CLUL1: variants seen among roughly 807,000 people sequenced by gnomAD.
CLUL1 encodes clusterin-like protein 1.
Under a neutral mutation model 49.4 loss-of-function variants are expected in CLUL1, and 43 were observed. The observed-to-expected ratio is 0.87, with a 90% confidence interval of 0.68 to 1.12. The LOEUF (loss-of-function observed/expected upper bound fraction) is 1.12, where lower values mean the gene tolerates loss of function less well. CLUL1 is among the 50% of genes most tolerant of loss of function. CLUL1 has a pLI of 0.00. For missense variants in CLUL1, 486 were observed against 544.4 expected, an observed-to-expected ratio of 0.89 and a Z score of 1.07; for synonymous variants, 192 against 184.9, an observed-to-expected ratio of 1.04 and a Z score of -0.31.
At chr18:626,860 C>CAAAGAAAG (rs2073732241) in intron 5 of CLUL1, among the ~76,000 whole-genome samples, 1 of 100,720 alleles carries the variant, frequency 9.9e-6, no homozygotes, top group Non-Finnish European at 2.1e-5. Flanking sequence ...GACTCCATCT[C>CAAAGAAAG]AAATAAGAAA....
intron 2 of CLUL1, among the ~76,000 whole-genome samples, chr18:613,755 A>G (rs2073212687): frequency 1.3e-5 from 2 of 152,176 alleles, no homozygotes; most frequent in African/African-American, 4.8e-5. Context: ...TGCCTGGCCT[A>G]GTCTGAATTT....
chr18:610,993 A>G (rs991626862), intron 2 of CLUL1, among the ~76,000 whole-genome samples: 4 of 152,070 alleles, frequency 2.6e-5, no homozygotes, highest in Admixed American at 2.6e-4. Context: ...TGGAATTCTG[A>G]GGCTCCTGTC....
At chr18:628,610 CCTT>C (rs1238465610) in intron 6 of CLUL1, among the ~76,000 whole-genome samples, 1 of 151,756 alleles carries the variant, frequency 6.6e-6, no homozygotes, top group African/African-American at 2.4e-5. Context: ...AAAATGGGCT[CCTT>C]CTATCTATTT....
chr18:597,676 C>T (rs1010269200), intron 1 of CLUL1: 2 of 152,294 alleles, frequency 1.3e-5, no homozygotes, highest in Admixed American at 6.5e-5. Flanking sequence ...CCACTGCACT[C>T]CAGCCTGGAC....
chr18:605,660 A>G (rs1483887090), intron 1 of CLUL1, among the ~76,000 whole-genome samples: 1 of 151,950 alleles, frequency 6.6e-6, no homozygotes, highest in Non-Finnish European at 1.5e-5. Context: ...TAATTCCAGT[A>G]TAGTGGTTTT....
intron 6 of CLUL1, among the ~76,000 whole-genome samples, chr18:631,139 A>G (rs1014864609): frequency 1.3e-5 from 2 of 152,164 alleles, no homozygotes; most frequent in African/African-American, 2.4e-5. Flanking sequence ...CAGGAAAAGG[A>G]GAGCGGAAAT....
intron 9 of CLUL1, among the ~76,000 whole-genome samples, chr18:646,384 A>G (rs2074508156): frequency 6.7e-6 from 1 of 149,336 alleles, no homozygotes. Flanking sequence ...TCTTTTTAGC[A>G]TCTACTAAGT....
At chr18:631,456 G>A (rs966314702) in intron 6 of CLUL1, among the ~76,000 whole-genome samples, 1 of 152,182 alleles carries the variant, frequency 6.6e-6, no homozygotes, top group African/African-American at 2.4e-5. Flanking sequence ...AGACAGGCAG[G>A]TGGGAGAGTA....
intron 2 of CLUL1, among the ~76,000 whole-genome samples, chr18:616,297 C>T (rs1421219493): frequency 2.6e-5 from 4 of 151,994 alleles, no homozygotes; most frequent in Non-Finnish European, 4.4e-5. Flanking sequence ...AAATGCCAAA[C>T]GAGAAAACAA....
Position 606,860 on chromosome 18 carries a change from C to G in CLUL1, c.-135-118C>G, listed in dbSNP as rs533243116. ...TCTGCCTTCCCCCACCAGCACCCCC[C>G]ACAAGGCAAGGCCAGTTCACCCTCA... On this transcript the variant is annotated intron_variant, in intron 1 of 9. Coordinates refer to ENST00000692774, the MANE Select transcript of CLUL1 (RefSeq NM_001393344.1). This position sits in a 1 kb window ranked among gnomAD's most constrained non-coding sequence, Gnocchi z 4.1. 1.1e-4 allele frequency: 56 copies of G among 507,926 alleles called. No individual in the cohort carries two copies. The highest frequency in any genetic ancestry group is 4.8e-4 in the East Asian group (16 of 33,520). 31.5% of individuals were successfully genotyped at this position (507,926 alleles called of 1,614,324 possible).
intron 2 of CLUL1, among the ~76,000 whole-genome samples, chr18:608,573 C>T (rs908594150): frequency 6.6e-6 from 1 of 152,138 alleles, no homozygotes; most frequent in African/African-American, 2.4e-5. Flanking sequence ...GCTTTGTCCA[C>T]CAGGTGCAGT....
intron 4 of CLUL1, 33 bp downstream of exon 4, chr18:619,394 A>C: frequency 1.3e-6 from 2 of 1,571,496 alleles, no homozygotes; most frequent in Non-Finnish European, 1.7e-6. Context: ...CTGTTCTTAC[A>C]CAGATCTGGA....
chr18:598,562 C>T (rs2072725686), intron 1 of CLUL1: 3 of 398,596 alleles, frequency 7.5e-6, no homozygotes, highest in Non-Finnish European at 1.3e-5. Context: ...AAGTACCTCT[C>T]TTGGATAATT....
At chr18:639,839 A>G (rs942838277) in intron 7 of CLUL1, among the ~76,000 whole-genome samples, 3 of 152,150 alleles carry the variant, frequency 2.0e-5, no homozygotes, top group Non-Finnish European at 2.9e-5. Flanking sequence ...TAATTTGACT[A>G]TGTAACTTAT....
At chr18:613,955 A>G (rs2073217378) in intron 2 of CLUL1, among the ~76,000 whole-genome samples, 2 of 152,212 alleles carry the variant, frequency 1.3e-5, no homozygotes, top group South Asian at 2.1e-4. Flanking sequence ...GAGCTTGGTG[A>G]GAATATGTGA....
At chr18:646,825 C>T (rs1279171781) in intron 9 of CLUL1, among the ~76,000 whole-genome samples, 1 of 151,696 alleles carries the variant, frequency 6.6e-6, no homozygotes, top group East Asian at 1.9e-4. Flanking sequence ...TCTCGGCTCA[C>T]TGCAACCTCG....
chr18:618,968 T>C lies in CLUL1; in HGVS notation c.107-245T>C, dbSNP rs2073394298. ...AAATGAAAACAGGGCCTGAGCAAGA[T>C]GACAAGAATGAGGTTCAGTGAACTC... is the stretch of plus-strand genomic sequence containing the variant. On this transcript the variant is annotated intron_variant, in intron 3 of 9. Coordinates refer to ENST00000692774, the MANE Select transcript of CLUL1 (RefSeq NM_001393344.1). The surrounding 1 kb of genome is among the most constrained non-coding windows in gnomAD (Gnocchi z 4.2). Among the ~76,000 whole-genome samples the C allele has an allele frequency of 6.6e-6, 1 of 152,078 alleles. No homozygotes were observed. The highest frequency in any genetic ancestry group is 1.5e-5 in the Non-Finnish European group (1 of 68,026).
intron 7 of CLUL1, among the ~76,000 whole-genome samples, chr18:637,954 G>A (rs74543946): frequency 0.14 from 20,994 of 151,750 alleles, 2,141 homozygotes; most frequent in African/African-American, 0.29. Context: ...GCCTCAGAGC[G>A]AGACTCTGTC....
chr18:626,902 A>G (rs1051005385), intron 5 of CLUL1, among the ~76,000 whole-genome samples, 195 bp from the exon 6 acceptor site: 1 of 588 alleles, frequency 1.7e-3, no homozygotes, highest in African/African-American at 1.8e-3. Flanking sequence ...AAAGAAAGAA[A>G]GAAAGAAAGA....
Sources: gnomAD v4.1 joint callset for allele counts (sites outside exome capture counted in the v4.1 genomes callset) on GRCh38, gnomAD v4.1.1 for gene constraint, Gnocchi (gnomAD v3.1) non-coding constraint, MANE v1.5 for transcripts, NCBI Gene and HGNC (gene_info 2026-07-23, HGNC 2026-07-21) for gene names.